TDRD12: variants seen among roughly 807,000 people sequenced by gnomAD.
TDRD12 encodes tudor domain containing 12, also known as putative ATP-dependent RNA helicase TDRD12.
TDRD12 carries 158 observed loss-of-function variants against 133.5 expected under a neutral mutation model. That is an observed-to-expected ratio of 1.18 (90% CI 1.04 to 1.35). The LOEUF (loss-of-function observed/expected upper bound fraction) is 1.35, where lower values mean the gene tolerates loss of function less well. Among genes scored for constraint, TDRD12 ranks in the 40% most tolerant of loss-of-function variants. The pLI is 0.00. For synonymous variants in TDRD12, 460 were observed against 477.9 expected, an observed-to-expected ratio of 0.96 and a Z score of 0.49; for missense variants, 1,443 against 1,321.3, an observed-to-expected ratio of 1.09 and a Z score of -1.43.
intron 25 of TDRD12, 21 bp from the exon 26 acceptor site, chr19:32,815,427 C>G: frequency 2.6e-6 from 4 of 1,522,954 alleles, no homozygotes; most frequent in Non-Finnish European, 3.5e-6. Context: ...TGCTAATGTT[C>G]AATTTTTTCA....
At chr19:32,739,071 A>T (rs774309395) in intron 3 of TDRD12, 79 bp downstream of exon 3, 7 of 1,503,484 alleles carry the variant, frequency 4.7e-6, no homozygotes, top group Non-Finnish European at 5.4e-6. Context: ...ATTTTAAAGT[A>T]CGGGGCTAGA....
chr19:32,733,754 G>A (rs974867502), intron 2 of TDRD12, among the ~76,000 whole-genome samples: 9 of 151,976 alleles, frequency 5.9e-5, no homozygotes, highest in Non-Finnish European at 1.3e-4. Context: ...TCGATGTGGG[G>A]TTTTCTCTCA....
intron 6 of TDRD12, among the ~76,000 whole-genome samples, chr19:32,755,405 T>C (rs1969962643): frequency 6.6e-6 from 1 of 152,262 alleles, no homozygotes; most frequent in Non-Finnish European, 1.5e-5. Context: ...CGGCTAAGTG[T>C]GCAGTAGCAC....
intron 16 of TDRD12, among the ~76,000 whole-genome samples, chr19:32,799,205 G>A (rs1474125760): frequency 6.6e-6 from 1 of 151,104 alleles, no homozygotes; most frequent in East Asian, 1.9e-4. Flanking sequence ...CCAGTTTTGA[G>A]TCCAGGCTTT....
chr19:32,814,467 A>G (rs1319334590), intron 25 of TDRD12, among the ~76,000 whole-genome samples: 1 of 152,232 alleles, frequency 6.6e-6, no homozygotes, highest in Non-Finnish European at 1.5e-5. Context: ...ACATGTTAAA[A>G]GGGAGTTTGG....
rs35214514 is a variant in TDRD12, at chr19:32,826,678, AAC to A, written c.1049+82_1049+83del. 371,251 of 1,231,824 alleles carry A rather than the reference AAC, an allele frequency of 0.3. 57,168 individuals are homozygous for A. Among genetic ancestry groups the A allele is most frequent in the East Asian group, 0.4 (12,627 of 31,664 alleles). The allele number at this position is 1,231,824 out of a possible 1,614,324, so 76.3% of individuals were successfully genotyped here. On this transcript the variant is annotated intron_variant, in intron 9 of 9. Transcript: ENST00000637289. ...GCGCTCACTGTCAGCTGTTCTCTTG[AAC>A]AGAACCCCAACGTGGCTTTTGATTT...
At chr19:32,719,893 C>T (rs1017732426) in exon 1 of TDRD12, 1 of 707,346 alleles carries the variant, frequency 1.4e-6, no homozygotes, top group Non-Finnish European at 2.4e-6. Flanking sequence ...CCGGGGTCCG[C>T]GAGGGCTCCT....
chr19:32,758,042 G>A (rs1970046279), intron 8 of TDRD12, among the ~76,000 whole-genome samples: 7 of 152,150 alleles, frequency 4.6e-5, no homozygotes. Flanking sequence ...GCCTCACTCA[G>A]CCCTGGGCCT....
Position 32,789,652 on chromosome 19 carries a change from A to G in TDRD12, c.1122-879A>G, listed in dbSNP as rs977420819. Among the ~76,000 whole-genome samples, 37 of 152,148 alleles carry G rather than the reference A, an allele frequency of 2.4e-4. 1 individual carries two copies. The highest frequency in any genetic ancestry group is 2.4e-3 in the Admixed American group (37 of 15,274). ...CCATTGCGTGCATGGAGTGCATTTC[A>G]TGTACCCATTCATCAGCTGATAACA... On this transcript the variant is annotated intron_variant, in intron 11 of 27. Transcript: ENST00000444215.
chr19:32,735,696 G>A (rs997454374), intron 2 of TDRD12, among the ~76,000 whole-genome samples: 1 of 152,218 alleles, frequency 6.6e-6, no homozygotes, highest in Admixed American at 6.5e-5. Flanking sequence ...TCAGCCAGGT[G>A]TGGTGGCTCA....
At chr19:32,742,009 A>G (rs1599844514) in intron 3 of TDRD12, among the ~76,000 whole-genome samples, 1 of 152,244 alleles carries the variant, frequency 6.6e-6, no homozygotes, top group African/African-American at 2.4e-5. Context: ...GGCAAATACT[A>G]ATTATTAAAC....
At chr19:32,783,377 A>C (rs1970821834) in intron 11 of TDRD12, among the ~76,000 whole-genome samples, 1 of 151,868 alleles carries the variant, frequency 6.6e-6, no homozygotes, top group African/African-American at 2.4e-5. Flanking sequence ...CCTTGTAGTA[A>C]AGTTTGAAGT....
exon 22 of TDRD12, chr19:32,807,575 A>G (rs1034046266): frequency 3.3e-6 from 5 of 1,534,858 alleles, no homozygotes; most frequent in Admixed American, 2.0e-5. Flanking sequence ...CCTGACCGAC[A>G]CCGTATTAAT....
intron 26 of TDRD12, among the ~76,000 whole-genome samples, chr19:32,816,226 C>T (rs1057280095): frequency 1.3e-5 from 2 of 152,110 alleles, no homozygotes; most frequent in Non-Finnish European, 2.9e-5. Flanking sequence ...CAGAAAAGTG[C>T]GCACATCAGA....
At chr19:32,765,153 G>A (rs1283904159) in intron 8 of TDRD12, among the ~76,000 whole-genome samples, 4 of 152,182 alleles carry the variant, frequency 2.6e-5, no homozygotes, top group African/African-American at 9.7e-5. Context: ...CATCATTGCT[G>A]GCCATCAGAG....
chr19:32,819,434 GAAAAA>G (rs994515908), intron 27 of TDRD12, among the ~76,000 whole-genome samples: 1 of 149,800 alleles, frequency 6.7e-6, no homozygotes, highest in Non-Finnish European at 1.5e-5. Flanking sequence ...CTACTTTCAA[GAAAAA>G]AAAAATTTCC....
Position 32,793,793 on chromosome 19 carries a change from C to CTTTT in TDRD12, c.1288-820_1288-817dup, listed in dbSNP as rs766973591. Reference sequence around the variant, plus strand: ...TAATTTAGAAAATTAAAGCAAGAATCTTTTTTTTTTTTTTTTTTGAGTCGG... The same window carrying CTTTT: ...TAATTTAGAAAATTAAAGCAAGAATCTTTTTTTTTTTTTTTTTTTTTTGAGTCGG... On this transcript the variant is annotated intron_variant, in intron 13 of 27. Transcript: ENST00000444215. Among the ~76,000 whole-genome samples the CTTTT allele has an allele frequency of 3.2e-3, 371 of 116,096 alleles. 12 individuals carry two copies. The highest frequency in any genetic ancestry group is 0.01 in the African/African-American group (297 of 29,148). The allele number at this position is 116,096 out of a possible 152,430, so 76.2% of individuals were successfully genotyped here.
intron 8 of TDRD12, among the ~76,000 whole-genome samples, chr19:32,757,535 A>C (rs1273706062): frequency 6.6e-6 from 1 of 152,156 alleles, no homozygotes; most frequent in Non-Finnish European, 1.5e-5. Flanking sequence ...ATATTTAATG[A>C]ATTGGAATTG....
At chr19:32,826,028 A>G, downstream of TDRD12, 1 of 1,173,086 alleles carries the variant, frequency 8.5e-7, no homozygotes, top group Non-Finnish European at 1.2e-6. Flanking sequence ...AAAAGTATAT[A>G]TATATGTGTG....
Sources: allele counts gnomAD v4.1 joint callset (sites outside exome capture counted in the v4.1 genomes callset), GRCh38; gene constraint gnomAD v4.1.1; transcripts MANE v1.5; gene names NCBI Gene and HGNC (gene_info 2026-07-23, HGNC 2026-07-21).